GPR107: variants seen among roughly 807,000 people sequenced by gnomAD.
The protein encoded by GPR107 is protein GPR107.
A neutral mutation model predicts 75.5 loss-of-function variants in GPR107; 31 were observed. The ratio of observed to expected loss-of-function variants is 0.41; its 90% CI spans 0.31 to 0.55. GPR107 has a LOEUF of 0.55. Ranked by LOEUF, GPR107 falls within the 20% of genes least tolerant of loss-of-function variation. The pLI is 0.26. For missense variants in GPR107, 572 were observed against 665.7 expected (o/e 0.86, Z 1.55); for synonymous variants, 267 against 251.3 (o/e 1.06, Z -0.59).
chr9:130,059,192 A>G (rs1829868808), intron 1 of GPR107, among the ~76,000 whole-genome samples: 1 of 152,150 alleles, frequency 6.6e-6, no homozygotes, highest in Non-Finnish European at 1.5e-5. Flanking sequence ...GTCTTCCTAT[A>G]TTATTTTAAA....
chr9:130,087,524 G>A (rs1433518156), intron 7 of GPR107, among the ~76,000 whole-genome samples: 1 of 152,044 alleles, frequency 6.6e-6, no homozygotes, highest in Non-Finnish European at 1.5e-5. Context: ...AAATTAGCCA[G>A]GCATGGTGGT....
chr9:130,086,436 C>T lies in GPR107; in HGVS notation c.581C>T (p.Ser194Phe). ...TCTTTTTAGGCCATGGGAGAGAAAT[C>T]CTTTTCTGTTCATAATAATGGTGGG... is the stretch of plus-strand genomic sequence containing the variant. The part of the protein sequence containing the change: ...TVDSKAMGEK[S>F]FSVHNNGGAV... Residue 194 changes from serine to phenylalanine, a missense_variant, in exon 7 of 18, where the codon TCC (serine) becomes TTC (phenylalanine). By Grantham distance (155) the Ser-to-Phe change is radical. Transcript: ENST00000347136. 1.3e-6 allele frequency: 2 copies of T among 1,536,876 alleles called. No individual in the cohort carries two copies. The highest frequency in any genetic ancestry group is 1.8e-6 in the Non-Finnish European group (2 of 1,109,944).
At chr9:130,095,257 CAG>C (rs1830836485) in intron 9 of GPR107, among the ~76,000 whole-genome samples, 1 of 152,088 alleles carries the variant, frequency 6.6e-6, no homozygotes, top group Non-Finnish European at 1.5e-5. Flanking sequence ...CTTTGCAAAT[CAG>C]GGCGCAATCC....
chr9:130,130,260 C>T (rs1044720854), intron 17 of GPR107, among the ~76,000 whole-genome samples: 2 of 152,206 alleles, frequency 1.3e-5, no homozygotes, highest in Admixed American at 1.3e-4. Context: ...GTATCGGATG[C>T]GATTTCAATT....
At chr9:130,120,750 G>A (rs771425716) in intron 14 of GPR107, 7 of 152,204 alleles carry the variant, frequency 4.6e-5, no homozygotes, top group Non-Finnish European at 8.8e-5. Context: ...CTTCCTCCAC[G>A]GAGGGATTGT....
At chr9:130,126,500 C>T (rs1426604552) in intron 15 of GPR107, among the ~76,000 whole-genome samples, 1 of 152,044 alleles carries the variant, frequency 6.6e-6, no homozygotes, top group Non-Finnish European at 1.5e-5. Flanking sequence ...CATGCGCCAC[C>T]ATGCCACGCC....
At chr9:130,109,889 A>G (rs765861078) in intron 14 of GPR107, among the ~76,000 whole-genome samples, 3 of 152,196 alleles carry the variant, frequency 2.0e-5, no homozygotes, top group African/African-American at 7.2e-5. Context: ...TTATTTTAAT[A>G]TATCGCGATG....
At chr9:130,066,790 C>A (rs1830079356) in intron 1 of GPR107, among the ~76,000 whole-genome samples, 1 of 152,120 alleles carries the variant, frequency 6.6e-6, no homozygotes, top group Admixed American at 6.6e-5. Context: ...TCGAGACCAT[C>A]CTGGCTAACA....
At chr9:130,125,052 C>T (rs1831639291) in intron 15 of GPR107, 88 bp downstream of exon 15, 2 of 578,578 alleles carry the variant, frequency 3.5e-6, no homozygotes, top group Admixed American at 7.2e-5. Context: ...TTGGTGAAAG[C>T]ACAAGATGTG....
Position 130,139,559 on chromosome 9 carries a change from A to G in GPR107, c.*4438A>G, listed in dbSNP as rs1009108476. On this transcript the variant is annotated 3_prime_UTR_variant, in exon 18 of 18. Transcript: ENST00000347136. ...TCTCAGGCCCTGTGTGAGGGAGCAC[A>G]CTGAGATGGTGCAGGAGTGAATGGG... 6.6e-6 allele frequency: 1 copy of G among 152,208 alleles called. No homozygotes were observed. Among genetic ancestry groups the G allele is most frequent in the Non-Finnish European group, 1.5e-5 (1 of 68,058 alleles). The allele number at this position is 152,208 out of a possible 1,614,324, so 9.4% of individuals were successfully genotyped here.
intron 1 of GPR107, among the ~76,000 whole-genome samples, chr9:130,062,873 A>C (rs182199080): frequency 1.1e-3 from 171 of 152,146 alleles, no homozygotes; most frequent in African/African-American, 4.0e-3. Flanking sequence ...ACAGGTGCAC[A>C]CCACCACATC....
intron 1 of GPR107, among the ~76,000 whole-genome samples, chr9:130,073,254 C>T (rs1830254375): frequency 6.6e-6 from 1 of 152,170 alleles, no homozygotes; most frequent in Non-Finnish European, 1.5e-5. Context: ...AGGATTCTGC[C>T]AGAGAATGAA....
At position 130,075,732 on chromosome 9, in the gene GPR107, G is replaced by GAAGA; in HGVS notation, c.239_242dup (p.Asp81GlufsTer10). 1 of 1,555,048 alleles carries GAAGA rather than the reference G, an allele frequency of 6.4e-7. No individual in the cohort carries two copies. The highest frequency in any genetic ancestry group is 8.9e-7 in the Non-Finnish European group (1 of 1,126,464). On this transcript the variant is annotated frameshift_variant, in exon 2 of 18. Transcript: ENST00000347136. LOFTEE classifies it high-confidence loss of function. ...CAGTAGCCTCTCACTGAATGAGCCT[G>GAAGA]AAGACAAGGATGTGACTGTAAGTAC... is the stretch of plus-strand genomic sequence containing the variant.
chr9:130,067,742 C>A (rs916652659), intron 1 of GPR107, among the ~76,000 whole-genome samples: 18 of 104,336 alleles, frequency 1.7e-4, no homozygotes, highest in Non-Finnish European at 2.9e-4. Context: ...TAGTCCCCCC[C>A]CACCGCCCCC....
At chr9:130,097,521 T>C (rs1040796047) in intron 9 of GPR107, among the ~76,000 whole-genome samples, 1 of 152,168 alleles carries the variant, frequency 6.6e-6, no homozygotes, top group African/African-American at 2.4e-5. Flanking sequence ...CGTCTACCAG[T>C]GGTGCATACA....
chr9:130,097,147 TTTTTTTTC>T (rs1327347796), intron 9 of GPR107, among the ~76,000 whole-genome samples: 19 of 47,856 alleles, frequency 4.0e-4, no homozygotes, highest in African/African-American at 6.7e-4. Context: ...TTTACTTTTC[TTTTTTTTC>T]TTTTTTTTTT....
intron 11 of GPR107, 68 bp from the exon 12 acceptor site, chr9:130,101,038 A>G (rs954346463): frequency 1.1e-6 from 1 of 898,778 alleles, no homozygotes; most frequent in African/African-American, 1.6e-5. Flanking sequence ...AGAATGAGCT[A>G]TGCAATCTAA....
At chr9:130,132,253 C>T (rs1554899190) in intron 17 of GPR107, among the ~76,000 whole-genome samples, 2 of 152,152 alleles carry the variant, frequency 1.3e-5, no homozygotes, top group Non-Finnish European at 2.9e-5. Flanking sequence ...TTTTGCAGTG[C>T]CAGTTTCCTG....
intron 9 of GPR107, among the ~76,000 whole-genome samples, chr9:130,094,785 A>T (rs934223513): frequency 6.6e-6 from 1 of 151,888 alleles, no homozygotes; most frequent in East Asian, 1.9e-4. Flanking sequence ...GGTTCAAGCG[A>T]TTCTCTTGCC....
Sources: gnomAD v4.1 joint callset for allele counts (sites outside exome capture counted in the v4.1 genomes callset) on GRCh38, gnomAD v4.1.1 for gene constraint, MANE v1.5 for transcripts, NCBI Gene and HGNC (gene_info 2026-07-23, HGNC 2026-07-21) for gene names.